Variants in TFDP1 observed in about 807,000 individuals in gnomAD.
TFDP1 encodes DRTF1-polypeptide 1.
In TFDP1, 6 loss-of-function variants were observed where a neutral mutation model predicts 48.0. That is an observed-to-expected ratio of 0.13 (90% CI 0.07 to 0.25). The LOEUF is 0.25. Among genes scored for constraint, TFDP1 ranks in the 10% least tolerant of loss-of-function variants. TFDP1 has a pLI of 1.00. For missense variants in TFDP1, 335 were observed against 543.0 expected, an observed-to-expected ratio of 0.62 and a Z score of 3.81; for synonymous variants, 201 against 211.6, an observed-to-expected ratio of 0.95 and a Z score of 0.44.
At chr13:113,597,830 CG>C in intron 2 of TFDP1, among the ~76,000 whole-genome samples, 1 of 152,320 alleles carries the variant, frequency 6.6e-6, no homozygotes, top group Non-Finnish European at 1.5e-5. Context: ...CATCCAGACA[CG>C]CTGGGGACTC....
chr13:113,625,348 G>A (rs1392888750), intron 4 of TFDP1, among the ~76,000 whole-genome samples: 1 of 128,046 alleles, frequency 7.8e-6, no homozygotes, highest in African/African-American at 3.3e-5. Context: ...GTGTCCTCAG[G>A]CGTCTCTCAC....
rs149864903 is a variant in TFDP1 at position 113,593,242 on chromosome 13, G to A, written c.12+7393G>A. On this transcript the variant is annotated intron_variant, in intron 2 of 11. Coordinates refer to ENST00000375370, the MANE Select transcript of TFDP1 (RefSeq NM_007111.5). ...CAGGTGACAGGTGTGCTGTGCACGC[G>A]TCCTCAGCTATACACAGGTGTCAGG... Among the ~76,000 whole-genome samples the A allele has an allele frequency of 1.8e-3, 249 of 138,986 alleles. 4 individuals carry two copies. The highest frequency in any genetic ancestry group is 0.016 in the East Asian group (70 of 4,500). 91.2% of individuals were successfully genotyped at this position (138,986 alleles called of 152,430 possible).
intron 2 of TFDP1, among the ~76,000 whole-genome samples, chr13:113,591,096 A>T (rs1478914829): frequency 6.6e-6 from 1 of 151,824 alleles, no homozygotes; most frequent in Non-Finnish European, 1.5e-5. Context: ...CATGCCTGTA[A>T]TCCCGGAGGC....
At chr13:113,619,498 AAAG>A (rs1321240905) in intron 3 of TFDP1, among the ~76,000 whole-genome samples, 3 of 151,666 alleles carry the variant, frequency 2.0e-5, no homozygotes, top group South Asian at 2.1e-4. Context: ...AAAAAAAAAA[AAAG>A]AAGAAGCCCA....
chr13:113,634,523 TG>T lies in TFDP1; in HGVS notation c.619-10del. The T allele has an allele frequency of 6.2e-7, 1 of 1,610,922 alleles. No homozygotes were observed. The highest frequency in any genetic ancestry group is 8.5e-7 in the Non-Finnish European group (1 of 1,178,900). ...GTGATGATTCTTCACATGGGTGGTT[TG>T]TTTTTGAAGGTGGAAAGACAGAGGA... On this transcript the variant is annotated splice_polypyrimidine_tract_variant and intron_variant, in intron 7 of 11. Coordinates refer to ENST00000375370, the MANE Select transcript of TFDP1 (RefSeq NM_007111.5).
At chr13:113,592,263 C>T (rs1175860670) in intron 2 of TFDP1, among the ~76,000 whole-genome samples, 1 of 152,260 alleles carries the variant, frequency 6.6e-6, no homozygotes. Context: ...TCAAGCGATT[C>T]TCTGACCTCA....
In TFDP1 at chr13:113,607,047, C is replaced by T. The variant is rs1185338011; in HGVS notation, c.13-3949C>T. Reference sequence around the variant, plus strand: ...GCCCCAGAAGTCATGCCTCTGAGTCCGTGGTTCTTAGCTGAGGGTGGCTTT... The same window carrying T: ...GCCCCAGAAGTCATGCCTCTGAGTCTGTGGTTCTTAGCTGAGGGTGGCTTT... On this transcript the variant is annotated intron_variant, in intron 2 of 11. Coordinates refer to ENST00000375370, the MANE Select transcript of TFDP1 (RefSeq NM_007111.5). The surrounding 1 kb of genome is among the most constrained non-coding windows in gnomAD (Gnocchi z 5.2). Among the ~76,000 whole-genome samples, 1 of 152,220 alleles carries T rather than the reference C, an allele frequency of 6.6e-6. No individual in the cohort carries two copies. Among genetic ancestry groups the T allele is most frequent in the African/African-American group, 2.4e-5 (1 of 41,442 alleles).
At chr13:113,595,990 G>A (rs929324922) in intron 2 of TFDP1, among the ~76,000 whole-genome samples, 1 of 152,248 alleles carries the variant, frequency 6.6e-6, no homozygotes, top group Non-Finnish European at 1.5e-5. Flanking sequence ...GCTGAGGCAG[G>A]AGAATGGTGT....
intron 11 of TFDP1, among the ~76,000 whole-genome samples, chr13:113,638,182 C>G (rs983199125): frequency 6.6e-6 from 1 of 152,252 alleles, no homozygotes; most frequent in Non-Finnish European, 1.5e-5. Flanking sequence ...CCTCCTGTCC[C>G]CGGCAGCCCA....
chr13:113,638,034 G>A, intron 11 of TFDP1, 138 bp downstream of exon 11: 2 of 1,065,704 alleles, frequency 1.9e-6, no homozygotes, highest in Non-Finnish European at 2.7e-6. Flanking sequence ...CAGGCAGTGG[G>A]GCCCCGCTGG....
chr13:113,608,020 C>T (rs61424856), intron 2 of TFDP1, among the ~76,000 whole-genome samples: 7,776 of 152,250 alleles, frequency 0.051, 535 homozygotes, highest in African/African-American at 0.16. Flanking sequence ...CAGACACGAG[C>T]GTCACAGTGG....
chr13:113,631,614 C>A lies in TFDP1; in HGVS notation c.187-9C>A. On this transcript the variant is annotated splice_polypyrimidine_tract_variant and intron_variant, in intron 4 of 11. Transcript: ENST00000375370. ...GACTGACTGTCTGAATTGTCTTTTT[C>A]GACTGTAGGTAATTGGTACGCCTCA... 1 of 1,610,350 alleles carries A rather than the reference C, an allele frequency of 6.2e-7. No individual in the cohort carries two copies. Among genetic ancestry groups the A allele is most frequent in the Admixed American group, 1.7e-5 (1 of 58,948 alleles).
At chr13:113,616,405 T>C (rs2048860391) in intron 3 of TFDP1, among the ~76,000 whole-genome samples, 1 of 152,142 alleles carries the variant, frequency 6.6e-6, no homozygotes, top group Admixed American at 6.5e-5. Context: ...GTGCTCATGA[T>C]TTTTAACATA....
chr13:113,605,556 G>A (rs2140362608), intron 2 of TFDP1, among the ~76,000 whole-genome samples: 1 of 152,340 alleles, frequency 6.6e-6, no homozygotes, highest in Non-Finnish European at 1.5e-5. Context: ...TTGCAGTTGA[G>A]ATGTTGCCCA....
rs2049342545 is a variant in TFDP1 at position 113,631,759 on chromosome 13, C to T, written c.308+15C>T. ...TGGTCTGCCGGGTGAGCACTTCCCT[C>T]TGGACCCTTAGAGTTGTAGGACTGC... On this transcript the variant is annotated intron_variant, in intron 5 of 11. Transcript: ENST00000375370. The T allele has an allele frequency of 6.2e-7, 1 of 1,613,372 alleles. No homozygotes were observed. Among genetic ancestry groups the T allele is most frequent in the Admixed American group, 1.7e-5 (1 of 59,844 alleles).
rs936722039 is a variant in TFDP1 at position 113,607,770 on chromosome 13, G to A, written c.13-3226G>A. ...TGTGCCAGTGGGTGGCGGTGACGGGGGCCAGTGGTTTCCTGGACCTGGGTT... is the reference window on the plus strand; with the variant it reads ...TGTGCCAGTGGGTGGCGGTGACGGGAGCCAGTGGTTTCCTGGACCTGGGTT... On this transcript the variant is annotated intron_variant, in intron 2 of 11. Coordinates refer to ENST00000375370, the MANE Select transcript of TFDP1 (RefSeq NM_007111.5). This position sits in a 1 kb window ranked among gnomAD's most constrained non-coding sequence, Gnocchi z 5.2. Among the ~76,000 whole-genome samples, 5 of 152,160 alleles carry A rather than the reference G, an allele frequency of 3.3e-5. No homozygotes were observed. Among genetic ancestry groups the A allele is most frequent in the African/African-American group, 1.2e-4 (5 of 41,436 alleles).
chr13:113,636,446 TCAG>T, intron 9 of TFDP1, 85 bp from the exon 10 acceptor site: 1 of 1,444,796 alleles, frequency 6.9e-7, no homozygotes, highest in South Asian at 1.3e-5. Flanking sequence ...TGTGTGGCGG[TCAG>T]CGGGTCAGCC....
intron 4 of TFDP1, among the ~76,000 whole-genome samples, chr13:113,628,373 G>A (rs370794721): frequency 2.6e-5 from 4 of 152,360 alleles, no homozygotes; most frequent in East Asian, 1.9e-4. Flanking sequence ...GATTCCAGCC[G>A]TGAGCACAGT....
intron 2 of TFDP1, among the ~76,000 whole-genome samples, chr13:113,589,910 C>T (rs956813147): frequency 2.6e-5 from 4 of 152,252 alleles, no homozygotes; most frequent in African/African-American, 9.6e-5. Flanking sequence ...CCCTCCCTAC[C>T]TCGGAACATC....
Sources: allele counts gnomAD v4.1 joint callset (sites outside exome capture counted in the v4.1 genomes callset), GRCh38; gene constraint gnomAD v4.1.1; non-coding constraint Gnocchi (gnomAD v3.1); transcripts MANE v1.5; gene names NCBI Gene and HGNC (gene_info 2026-07-23, HGNC 2026-07-21).